Variants in KANK1 observed in about 807,000 individuals in gnomAD.
The protein encoded by KANK1 is KN motif and ankyrin repeat domain-containing protein 1.
Under a neutral mutation model 106.2 loss-of-function variants are expected in KANK1, and 109 were observed. The observed-to-expected ratio is 1.03, with a 90% CI of 0.88 to 1.20. The LOEUF is 1.20. Among genes scored for constraint, KANK1 ranks in the 50% most tolerant of loss-of-function variants. KANK1 has a pLI of 0.00. For synonymous variants in KANK1, 873 were observed against 652.2 expected (o/e 1.34, Z -5.16); for missense variants, 2,399 against 1,710.7 (o/e 1.40, Z -7.10).
At chr9:613,857 G>A (rs1831156719) in intron 1 of KANK1, among the ~76,000 whole-genome samples, 1 of 152,150 alleles carries the variant, frequency 6.6e-6, no homozygotes, top group South Asian at 2.1e-4. Context: ...TTAAATATGA[G>A]TGTGACTGTC....
upstream of KANK1, among the ~76,000 whole-genome samples, chr9:500,786 T>C (rs1020729730): frequency 1.1e-4 from 17 of 152,322 alleles, no homozygotes; most frequent in Middle Eastern, 3.4e-3. Context: ...CATACCCTGA[T>C]TTTCTCCCTC....
At position 741,393 on chromosome 9, in the gene KANK1, C is replaced by T. The variant is rs958689429; in HGVS notation, c.3696+459C>T. ...GGAGTGCAGTGGCGGGATCTTGGCT[C>T]ACTGCAACCACCCCCGGCTCCCTGG... On this transcript the variant is annotated intron_variant, in intron 9 of 11. Coordinates refer to ENST00000382297, the MANE Select transcript of KANK1 (RefSeq NM_015158.5). Among the ~76,000 whole-genome samples, 94 of 151,596 alleles carry T rather than the reference C, an allele frequency of 6.2e-4. 1 individual carries two copies. The highest frequency in any genetic ancestry group is 7.8e-4 in the East Asian group (4 of 5,140).
rs138673955 is a variant in KANK1 at position 719,398 on chromosome 9, A to G, written c.2698+5934A>G. On this transcript the variant is annotated intron_variant, in intron 3 of 11. Transcript: ENST00000382297. The stretch of plus-strand genomic sequence containing the variant: ...GAAATTTCAGTCCTACCTGTTCTCA[A>G]TGAGTAAGTTTAGATGTTCTTTAAA... Among the ~76,000 whole-genome samples the G allele has an allele frequency of 4.1e-3, 625 of 152,310 alleles. 5 individuals carry two copies. Among genetic ancestry groups the G allele is most frequent in the African/African-American group, 0.014 (577 of 41,562 alleles).
chr9:744,593 A>C lies in KANK1; in HGVS notation c.3996+4A>C, dbSNP rs1399477556. 1.2e-5 allele frequency: 19 copies of C among 1,614,100 alleles called. No individual in the cohort carries two copies. The highest frequency in any genetic ancestry group is 1.6e-5 in the Non-Finnish European group (19 of 1,180,008). On this transcript the variant is annotated splice_donor_region_variant and intron_variant, in intron 11 of 11. Coordinates refer to ENST00000382297, the MANE Select transcript of KANK1 (RefSeq NM_015158.5). ...CTTTGCAAAAGCCCAGTCTCCGGTC[A>C]GTGTTGTGCATTTGGCATTTGTAAA...
At chr9:679,771 G>A (rs767481269) in intron 2 of KANK1, among the ~76,000 whole-genome samples, 3 of 152,094 alleles carry the variant, frequency 2.0e-5, no homozygotes, top group Non-Finnish European at 4.4e-5. Context: ...AAGAATTACT[G>A]GTGATAATAC....
chr9:485,633 G>C (rs1345011795), intron 3 of KANK1, among the ~76,000 whole-genome samples: 1 of 152,198 alleles, frequency 6.6e-6, no homozygotes, highest in Non-Finnish European at 1.5e-5. Context: ...AACACTTTGA[G>C]AGGCCGAGGC....
chr9:729,444 A>C (rs75668832), intron 3 of KANK1, among the ~76,000 whole-genome samples: 274 of 152,344 alleles, frequency 1.8e-3, no homozygotes, highest in Non-Finnish European at 3.0e-3. Flanking sequence ...AAGGTATTCC[A>C]GGTAGTAGAA....
intron 3 of KANK1, among the ~76,000 whole-genome samples, chr9:493,051 G>C (rs929228386): frequency 2.7e-5 from 4 of 147,592 alleles, no homozygotes; most frequent in Admixed American, 1.3e-4. Context: ...AAAAAGAAAA[G>C]AAAACCAGCT....
chr9:478,137 A>G, intron 3 of KANK1: 1 of 210,364 alleles, frequency 4.8e-6, no homozygotes, highest in South Asian at 7.7e-5. Context: ...AAAGAAGCAA[A>G]ACAATCAAGC....
chr9:548,349 C>T (rs564245890), intron 1 of KANK1, among the ~76,000 whole-genome samples: 25 of 152,280 alleles, frequency 1.6e-4, no homozygotes, highest in Admixed American at 2.6e-4. Context: ...GGAGGGCTTC[C>T]TGAAGGTTTG....
intron 1 of KANK1, among the ~76,000 whole-genome samples, chr9:660,479 G>T (rs1283222006): frequency 1.3e-5 from 2 of 152,126 alleles, no homozygotes; most frequent in Admixed American, 6.5e-5. Context: ...ATTCCTTCAT[G>T]CAGTAAACTT....
intron 1 of KANK1, among the ~76,000 whole-genome samples, chr9:615,495 A>G (rs1311897108): frequency 6.6e-6 from 1 of 152,126 alleles, no homozygotes; most frequent in African/African-American, 2.4e-5. Context: ...AGGGGGAATA[A>G]TGTTGTTTCT....
intron 1 of KANK1, among the ~76,000 whole-genome samples, chr9:643,612 T>C (rs1430653131): frequency 1.3e-4 from 19 of 145,810 alleles, no homozygotes; most frequent in African/African-American, 4.8e-4. Flanking sequence ...CTCGAACTCC[T>C]GGGCCAATCC....
At chr9:579,385 A>C (rs1249308415) in intron 1 of KANK1, among the ~76,000 whole-genome samples, 2 of 152,200 alleles carry the variant, frequency 1.3e-5, no homozygotes, top group Non-Finnish European at 1.5e-5. Flanking sequence ...GGATCTTCAG[A>C]GAAAACCTAA....
chr9:525,965 G>C (rs922767640), intron 1 of KANK1, among the ~76,000 whole-genome samples: 7 of 151,714 alleles, frequency 4.6e-5, no homozygotes, highest in African/African-American at 1.7e-4. Context: ...CTGAAATTTG[G>C]TTACCTGAAG....
intron 1 of KANK1, among the ~76,000 whole-genome samples, chr9:537,040 G>A (rs773446816): frequency 5.3e-5 from 8 of 152,190 alleles, no homozygotes; most frequent in Admixed American, 1.3e-4. Flanking sequence ...GGAAGCGAGA[G>A]AGAAGCGAGG....
At chr9:670,179 TTCTTGG>T (rs1222051223) in intron 1 of KANK1, among the ~76,000 whole-genome samples, 1 of 152,212 alleles carries the variant, frequency 6.6e-6, no homozygotes, top group Non-Finnish European at 1.5e-5. Context: ...CTATTTTGAA[TTCTTGG>T]TCAGAGAGCT....
intron 2 of KANK1, chr9:693,886 AT>A: frequency 1.1e-6 from 1 of 908,546 alleles, no homozygotes; most frequent in African/African-American, 1.8e-5. Flanking sequence ...TGTGAAAAAG[AT>A]TTGCTTTTAC....
At chr9:602,247 ATT>A (rs1827935239) in intron 1 of KANK1, among the ~76,000 whole-genome samples, 1 of 151,536 alleles carries the variant, frequency 6.6e-6, no homozygotes, top group Admixed American at 6.6e-5. Flanking sequence ...AGCCCATTCC[ATT>A]TTTATTTATT....
Sources: gnomAD v4.1 joint callset for allele counts (sites outside exome capture counted in the v4.1 genomes callset) on GRCh38, gnomAD v4.1.1 for gene constraint, MANE v1.5 for transcripts, NCBI Gene and HGNC (gene_info 2026-07-23, HGNC 2026-07-21) for gene names.